SENP5: variants seen among roughly 807,000 people sequenced by gnomAD.
The protein encoded by SENP5 is SUMO specific peptidase 5.
In SENP5, 21 loss-of-function variants were observed where a neutral mutation model predicts 74.2. That is an observed-to-expected ratio of 0.28 (90% CI 0.20 to 0.41). The LOEUF (loss-of-function observed/expected upper bound fraction) is 0.41. Ranked by LOEUF, SENP5 falls within the 10% of genes least tolerant of loss-of-function variation. SENP5 has a pLI of 1.00. For missense variants in SENP5, 717 were observed against 889.1 expected, an observed-to-expected ratio of 0.81 and a Z score of 2.46; for synonymous variants, 311 against 312.7, an observed-to-expected ratio of 0.99 and a Z score of 0.06.
chr3:196,874,339 A>G (rs1404608027), intron 1 of SENP5, among the ~76,000 whole-genome samples: 2 of 151,336 alleles, frequency 1.3e-5, no homozygotes. Context: ...AACAATTTTT[A>G]TATATCGCCT....
intron 7 of SENP5, 28 bp downstream of exon 7, chr3:196,923,579 AT>A: frequency 6.6e-7 from 1 of 1,523,638 alleles, no homozygotes; most frequent in Non-Finnish European, 9.0e-7. Context: ...CTATTTTTTC[AT>A]TTATTTTGTA....
At chr3:196,929,978 G>A (rs951287156) in intron 9 of SENP5, among the ~76,000 whole-genome samples, 1 of 126,354 alleles carries the variant, frequency 7.9e-6, no homozygotes, top group Non-Finnish European at 1.6e-5. Context: ...ATAACCATTG[G>A]CATTTGCATA....
intron 2 of SENP5, among the ~76,000 whole-genome samples, chr3:196,892,314 T>C (rs902115842): frequency 5.9e-5 from 9 of 151,824 alleles, no homozygotes; most frequent in Non-Finnish European, 1.2e-4. Context: ...CCTGGCTAAT[T>C]TTTTGTATTT....
chr3:196,894,589 G>A (rs1440937998), intron 2 of SENP5, among the ~76,000 whole-genome samples: 1 of 150,982 alleles, frequency 6.6e-6, no homozygotes, highest in Non-Finnish European at 1.5e-5. Context: ...AAATTAGTTG[G>A]TAGTTCTAAT....
intron 7 of SENP5, among the ~76,000 whole-genome samples, chr3:196,925,167 G>A (rs919913701): frequency 6.1e-5 from 9 of 146,764 alleles, no homozygotes; most frequent in Admixed American, 2.0e-4. Context: ...CTCATTTTGC[G>A]TTTTTTTTTT....
intron 6 of SENP5, among the ~76,000 whole-genome samples, chr3:196,910,174 C>G (rs1423764730): frequency 2.0e-5 from 3 of 151,734 alleles, no homozygotes; most frequent in Non-Finnish European, 4.4e-5. Context: ...AATAAAATAC[C>G]TAGGAATACA....
intron 6 of SENP5, among the ~76,000 whole-genome samples, chr3:196,915,138 G>A (rs1361843048): frequency 6.6e-6 from 1 of 152,178 alleles, no homozygotes; most frequent in Non-Finnish European, 1.5e-5. Context: ...CTTGGGTCCT[G>A]AATAAATTTG....
chr3:196,879,096 T>G (rs996593894), intron 1 of SENP5, among the ~76,000 whole-genome samples: 1 of 152,220 alleles, frequency 6.6e-6, no homozygotes, highest in African/African-American at 2.4e-5. Context: ...GAGATAATTC[T>G]TCATTGTTGT....
intron 1 of SENP5, among the ~76,000 whole-genome samples, chr3:196,868,905 G>T (rs1403286348): frequency 6.8e-5 from 2 of 29,306 alleles, no homozygotes; most frequent in East Asian, 5.6e-3. Context: ...ATTTTGCCCG[G>T]AATAACTAAG....
intron 6 of SENP5, among the ~76,000 whole-genome samples, chr3:196,917,674 G>GA (rs1715438193): frequency 6.6e-6 from 1 of 151,940 alleles, no homozygotes; most frequent in African/African-American, 2.4e-5. Context: ...AGTGCTGAAG[G>GA]AAAAAAACGT....
At chr3:196,916,629 G>A (rs756258322) in intron 6 of SENP5, among the ~76,000 whole-genome samples, 32 of 151,540 alleles carry the variant, frequency 2.1e-4, no homozygotes, top group Non-Finnish European at 4.3e-4. Context: ...CCAGGTTCAG[G>A]CAATTCTCCT....
In SENP5 at chr3:196,911,567, A is replaced by G. The variant is rs146458632; in HGVS notation, c.1884+7957A>G. Among the ~76,000 whole-genome samples, 771 of 151,978 alleles carry G rather than the reference A, an allele frequency of 5.1e-3. 5 individuals are homozygous for G. The highest frequency in any genetic ancestry group is 0.017 in the African/African-American group (696 of 41,446). ...GTGAGACTTTGTCTCAAAAAAAAAA[A>G]AAAAAGGACATTTATGTAGCCAAAA... is the stretch of plus-strand genomic sequence containing the variant. On this transcript the variant is annotated intron_variant, in intron 6 of 9. Coordinates refer to ENST00000323460, the MANE Select transcript of SENP5 (RefSeq NM_152699.5).
At chr3:196,909,281 A>T (rs1380169715) in intron 6 of SENP5, among the ~76,000 whole-genome samples, 1 of 152,170 alleles carries the variant, frequency 6.6e-6, no homozygotes, top group Non-Finnish European at 1.5e-5. Flanking sequence ...TAGCCTACCA[A>T]CCACAAAAAG....
intron 6 of SENP5, among the ~76,000 whole-genome samples, 177 bp from the exon 7 acceptor site, chr3:196,923,237 A>G (rs1451907640): frequency 3.3e-5 from 5 of 152,242 alleles, no homozygotes; most frequent in Admixed American, 2.6e-4. Context: ...GTTGTGTATT[A>G]TAGCTTAATA....
chr3:196,922,803 T>G (rs1380615539), intron 6 of SENP5, among the ~76,000 whole-genome samples: 1 of 152,174 alleles, frequency 6.6e-6, no homozygotes, highest in Non-Finnish European at 1.5e-5. Flanking sequence ...TGTATTTTTT[T>G]GTAGATACAG....
intron 6 of SENP5, among the ~76,000 whole-genome samples, chr3:196,915,755 C>G (rs1284988369): frequency 6.6e-6 from 1 of 152,132 alleles, no homozygotes; most frequent in Non-Finnish European, 1.5e-5. Context: ...GAGAGATCGC[C>G]TAATAATCTA....
At chr3:196,872,111 C>G (rs972754630) in intron 1 of SENP5, among the ~76,000 whole-genome samples, 27 of 152,230 alleles carry the variant, frequency 1.8e-4, no homozygotes, top group African/African-American at 6.5e-4. Flanking sequence ...TGTGAACTTT[C>G]ACCCAAATAT....
chr3:196,916,768 G>T (rs1437555164), intron 6 of SENP5, among the ~76,000 whole-genome samples: 1 of 151,378 alleles, frequency 6.6e-6, no homozygotes, highest in Non-Finnish European at 1.5e-5. Context: ...CTTGTGATCT[G>T]CCTGCCTCAG....
chr3:196,880,384 C>T (rs1465008662), intron 1 of SENP5, among the ~76,000 whole-genome samples: 1 of 152,212 alleles, frequency 6.6e-6, no homozygotes, highest in Non-Finnish European at 1.5e-5. Flanking sequence ...CCTGGCCTCT[C>T]CAATGTTATA....
Sources: allele counts gnomAD v4.1 joint callset (sites outside exome capture counted in the v4.1 genomes callset), GRCh38; gene constraint gnomAD v4.1.1; transcripts MANE v1.5; gene names NCBI Gene and HGNC (gene_info 2026-07-23, HGNC 2026-07-21).